The following GPHN variants were observed in gnomAD, a reference collection of about 807,000 sequenced individuals.
GPHN encodes the protein gephyrin.
In GPHN, 17 loss-of-function variants were observed where a neutral mutation model predicts 95.5. That is an observed-to-expected ratio of 0.18 (90% confidence interval 0.12 to 0.27). GPHN has a LOEUF of 0.27. Among genes scored for constraint, GPHN ranks in the 10% least tolerant of loss-of-function variants. The pLI is 1.00. For missense variants in GPHN, 660 were observed against 978.1 expected, an observed-to-expected ratio of 0.67 and a Z score of 4.34; for synonymous variants, 320 against 322.5, an observed-to-expected ratio of 0.99 and a Z score of 0.08.
chr14:67,519,548 C>T, the GPHN span, among the ~76,000 whole-genome samples: 30 of 152,202 alleles, frequency 2.0e-4, no homozygotes, highest in African/African-American at 6.5e-4. Flanking sequence ...CTGGTGTAAG[C>T]CCTACTAGGT....
At chr14:67,468,989 G>A in the GPHN span, among the ~76,000 whole-genome samples, 1 of 152,178 alleles carries the variant, frequency 6.6e-6, no homozygotes, top group East Asian at 1.9e-4. Flanking sequence ...CTTCTCTGAA[G>A]CTCCATAAAG....
rs1567347841 is a variant in GPHN, at chr14:67,111,905, A to G, written c.1458A>G (p.Pro486=). 6.2e-7 allele frequency: 1 copy of G among 1,612,490 alleles called. No homozygotes were observed. Among genetic ancestry groups the G allele is most frequent in the Non-Finnish European group, 8.5e-7 (1 of 1,178,496 alleles). ...LEVRILVQAR[P]GQDIRPIGHD... is the part of the protein sequence containing the mutation. ...TGCGAATTCTGGTGCAAGCTCGGCC[A>G]GGCCAAGATATCAGGTAACTTCAAA... is the stretch of plus-strand genomic sequence containing the variant. The change falls in exon 15 of 23, where the codon CCA becomes CCG. Residue 486 remains proline (P), a synonymous_variant. Coordinates refer to ENST00000478722, the MANE Select transcript of GPHN (RefSeq NM_020806.5).
At chr14:66,586,242 G>A (rs2061414164) in intron 1 of GPHN, among the ~76,000 whole-genome samples, 1 of 151,920 alleles carries the variant, frequency 6.6e-6, no homozygotes. Flanking sequence ...CATTGGTTTG[G>A]TAGATCTTCC....
intron 1 of GPHN, among the ~76,000 whole-genome samples, chr14:66,573,786 G>A (rs1445083202): frequency 6.6e-6 from 1 of 151,718 alleles, no homozygotes; most frequent in Non-Finnish European, 1.5e-5. Flanking sequence ...AATCTCTTGT[G>A]ACTTAAAGTC....
At chr14:66,625,575 A>G (rs956608613) in intron 1 of GPHN, among the ~76,000 whole-genome samples, 25 of 151,954 alleles carry the variant, frequency 1.6e-4, no homozygotes, top group African/African-American at 5.8e-4. Flanking sequence ...TTTGTTTTCA[A>G]ACCTTCTAAT....
chr14:66,792,679 T>C (rs1446881687), intron 3 of GPHN, among the ~76,000 whole-genome samples: 1 of 152,078 alleles, frequency 6.6e-6, no homozygotes, highest in Non-Finnish European at 1.5e-5. Flanking sequence ...CAAGGAGCAC[T>C]AGTAAAGTGC....
chr14:67,083,238 C>G (rs986961689), intron 11 of GPHN, among the ~76,000 whole-genome samples: 4 of 148,544 alleles, frequency 2.7e-5, no homozygotes, highest in Admixed American at 6.7e-5. Flanking sequence ...TGCCCCCCCC[C>G]CTCCAAATCT....
At chr14:67,559,882 C>T in the GPHN span, among the ~76,000 whole-genome samples, 1 of 152,150 alleles carries the variant, frequency 6.6e-6, no homozygotes, top group Non-Finnish European at 1.5e-5. Flanking sequence ...TTGGTTGGGT[C>T]TCCCTGGAGC....
the GPHN span, among the ~76,000 whole-genome samples, chr14:67,379,594 G>A: frequency 6.6e-6 from 1 of 151,358 alleles, no homozygotes; most frequent in Admixed American, 6.6e-5. Flanking sequence ...TGCTTATTAA[G>A]CCTGATGCTT....
intron 2 of GPHN, among the ~76,000 whole-genome samples, chr14:66,714,112 T>C (rs750880642): frequency 1.3e-5 from 2 of 152,016 alleles, no homozygotes; most frequent in Non-Finnish European, 2.9e-5. Flanking sequence ...CATCCACGAG[T>C]GTGGGATGTA....
the GPHN span, among the ~76,000 whole-genome samples, chr14:67,234,070 GCACTGT>G: frequency 1.2e-4 from 19 of 152,314 alleles, no homozygotes; most frequent in African/African-American, 4.6e-4. Context: ...ACTGTTCTAA[GCACTGT>G]CATATATAAA....
At chr14:66,945,062 C>G (rs1003004472) in intron 8 of GPHN, among the ~76,000 whole-genome samples, 2 of 152,230 alleles carry the variant, frequency 1.3e-5, no homozygotes, top group African/African-American at 4.8e-5. Flanking sequence ...TACCTTTTCT[C>G]AAGCCCCATG....
rs548989560 is a variant in GPHN at position 66,683,754 on chromosome 14, G to A, written c.143+2569G>A. On this transcript the variant is annotated intron_variant, in intron 2 of 22. Coordinates refer to ENST00000478722, the MANE Select transcript of GPHN (RefSeq NM_020806.5). The stretch of plus-strand genomic sequence containing the variant: ...GCACTTTGGGAGGCCGAGGTGGGCG[G>A]ATCATGAGGTCAGGAGATCGAGACC... Among the ~76,000 whole-genome samples the A allele has an allele frequency of 2.4e-3, 357 of 151,626 alleles. 4 individuals are homozygous for A. Among genetic ancestry groups the A allele is most frequent in the African/African-American group, 8.1e-3 (336 of 41,310 alleles).
At position 67,050,775 on chromosome 14, in the gene GPHN, A is replaced by T. The variant is rs192620921; in HGVS notation, c.1007-7874A>T. On this transcript the variant is annotated intron_variant, in intron 10 of 22. Transcript: ENST00000478722. ...AAATCCTATGCCAGCAACTTGAGGTATCCAGGTTCTCTCACTAGGACTGAC... is the reference window on the plus strand; with the variant it reads ...AAATCCTATGCCAGCAACTTGAGGTTTCCAGGTTCTCTCACTAGGACTGAC... Among the ~76,000 whole-genome samples, 213 of 152,276 alleles carry T rather than the reference A, an allele frequency of 1.4e-3. 3 individuals are homozygous for T. Among genetic ancestry groups the T allele is most frequent in the African/African-American group, 4.9e-3 (204 of 41,562 alleles).
chr14:66,566,222 A>G (rs1176689675), intron 1 of GPHN, among the ~76,000 whole-genome samples: 1 of 152,052 alleles, frequency 6.6e-6, no homozygotes, highest in Non-Finnish European at 1.5e-5. Context: ...AGCATCTTTG[A>G]TGTTTGAGTA....
At chr14:66,775,896 C>T (rs2059363527) in intron 2 of GPHN, among the ~76,000 whole-genome samples, 1 of 152,132 alleles carries the variant, frequency 6.6e-6, no homozygotes, top group Admixed American at 6.5e-5. Flanking sequence ...GTGCTGGGCA[C>T]ACACGTCTCT....
the GPHN span, among the ~76,000 whole-genome samples, chr14:67,315,478 G>A: frequency 2.7e-4 from 41 of 151,964 alleles, no homozygotes; most frequent in African/African-American, 6.5e-4. Context: ...GGGTTTCACC[G>A]TGTTAGCCAG....
chr14:66,575,300 T>G (rs1396170550), intron 1 of GPHN, among the ~76,000 whole-genome samples: 3 of 152,226 alleles, frequency 2.0e-5, no homozygotes, highest in Non-Finnish European at 4.4e-5. Flanking sequence ...AGAAATCCAC[T>G]GATCATCTTA....
At chr14:67,236,745 A>G in the GPHN span, among the ~76,000 whole-genome samples, 1 of 152,086 alleles carries the variant, frequency 6.6e-6, no homozygotes, top group Non-Finnish European at 1.5e-5. Flanking sequence ...AGAAAAGTTC[A>G]TTGTTTGTTG....
Sources: gnomAD v4.1 joint callset for allele counts (sites outside exome capture counted in the v4.1 genomes callset) on GRCh38, gnomAD v4.1.1 for gene constraint, MANE v1.5 for transcripts, NCBI Gene and HGNC (gene_info 2026-07-23, HGNC 2026-07-21) for gene names.